Variants in MUC5AC observed in about 807,000 individuals in gnomAD.
MUC5AC encodes mucin-5AC.
Under a neutral mutation model 169.7 loss-of-function variants are expected in MUC5AC, and 158 were observed. That is an observed-to-expected ratio of 0.93 (90% CI 0.82 to 1.06). MUC5AC has a LOEUF of 1.06. Among genes scored for constraint, MUC5AC ranks in the 50% least tolerant of loss-of-function variants. The pLI is 0.00. For synonymous variants in MUC5AC, 1,975 were observed against 1,237.0 expected (o/e 1.60, Z -12.52); for missense variants, 4,359 against 3,089.9 (o/e 1.41, Z -9.74).
chr11:1,190,246 A>G lies in MUC5AC; in HGVS notation c.12101A>G (p.Gln4034Arg), dbSNP rs2133765112. 1 of 734,976 alleles carries G rather than the reference A, an allele frequency of 1.4e-6. No individual in the cohort carries two copies. The highest frequency in any genetic ancestry group is 2.4e-5 in the East Asian group (1 of 40,926). 45.5% of individuals were successfully genotyped at this position (734,976 alleles called of 1,614,324 possible). A position where few individuals can be genotyped will look rare whatever the true frequency, so the allele number is the denominator to read the frequency against. The change falls in exon 31 of 49, where the codon CAG becomes CGG. Residue 4034 changes from glutamine to arginine, a missense_variant. By Grantham distance (43) the Gln-to-Arg change is conservative. Transcript: ENST00000621226. The part of the protein sequence containing the change: ...EEGLVCRNQD[Q>R]QGPFKMCLNY... ...GGCCTGGTGTGCCGGAACCAGGACC[A>G]GCAGGGACCCTTCAAGATGTGCCTC... is the stretch of plus-strand genomic sequence containing the variant.
At position 1,168,904 on chromosome 11, in the gene MUC5AC, G is replaced by A. The variant is rs1302502215; in HGVS notation, c.1748G>A (p.Arg583Gln). The change falls in exon 15 of 49, where the codon CGG becomes CAG. Residue 583 changes from arginine (R) to glutamine (Q), a missense_variant. By Grantham distance (43) the Arg-to-Gln change is conservative. Transcript: ENST00000621226. ...NFNSIQADDF[R>Q]TLSGVVEATA... ...AACAGCATCCAGGCCGATGACTTCC[G>A]GACCCTCAGTGGGGTGGTGGAGGCC... 4 of 1,610,144 alleles carry A rather than the reference G, an allele frequency of 2.5e-6. No homozygotes were observed. Among genetic ancestry groups the A allele is most frequent in the South Asian group, 1.1e-5 (1 of 90,768 alleles).
rs1860992312 is a variant in MUC5AC, at chr11:1,187,859, C to G, written c.9714C>G (p.Ser3238=). 1 of 763,752 alleles carries G rather than the reference C, an allele frequency of 1.3e-6. No individual in the cohort carries two copies. Among genetic ancestry groups the G allele is most frequent in the South Asian group, 1.3e-5 (1 of 74,494 alleles). 47.3% of individuals were successfully genotyped at this position (763,752 alleles called of 1,614,324 possible). A position where few individuals can be genotyped will look rare whatever the true frequency, so the allele number is the denominator to read the frequency against. Residue 3238 remains serine (S), a synonymous_variant, in exon 31 of 49, where the codon TCC becomes TCG. Transcript: ENST00000621226. ...WTKWFDIDFP[S]PGPHGGDKET... is the part of the protein sequence containing the mutation. ...AGTGGTTTGACATAGACTTCCCATC[C>G]CCTGGACCCCACGGCGGGGACAAGG...
rs1405847709 is a variant in MUC5AC at position 1,197,936 on chromosome 11, G to A, written c.16067G>A (p.Gly5356Asp). The change falls in exon 42 of 49, where the codon GGC becomes GAC. Residue 5356 changes from glycine (G) to aspartate (D), a missense_variant. Coordinates refer to ENST00000621226, the MANE Select transcript of MUC5AC (RefSeq NM_001304359.2). ...ACCAGCCGCTGCCCCGCGCCCGTGG[G>A]CTGTCCTGAGGGCGCCCGCGCGATC... ...CNTSRCPAPV[G>D]CPEGARAIPT... 2 of 736,218 alleles carry A rather than the reference G, an allele frequency of 2.7e-6. No individual in the cohort carries two copies. Among genetic ancestry groups the A allele is most frequent in the Non-Finnish European group, 4.9e-6 (2 of 405,368 alleles). The allele number at this position is 736,218 out of a possible 1,614,324, so 45.6% of individuals were successfully genotyped here. A position where few individuals can be genotyped will look rare whatever the true frequency, so the allele number is the denominator to read the frequency against.
At position 1,187,313 on chromosome 11, in the gene MUC5AC, T is replaced by C; in HGVS notation, c.9168T>C (p.Ser3056=). 2.8e-6 allele frequency: 2 copies of C among 708,308 alleles called. No homozygotes were observed. The highest frequency in any genetic ancestry group is 2.0e-5 in the Admixed American group (1 of 50,304). The allele number at this position is 708,308 out of a possible 1,614,324, so 43.9% of individuals were successfully genotyped here. A position where few individuals can be genotyped will look rare whatever the true frequency, so the allele number is the denominator to read the frequency against. ...SSPQTSTTSA[S]TTSITSGPGT... ...CACAGACCAGCACAACCTCGGCTTCTACCACCAGCATAACTTCTGGTCCTG... is the reference window on the plus strand; with the variant it reads ...CACAGACCAGCACAACCTCGGCTTCCACCACCAGCATAACTTCTGGTCCTG... The change falls in exon 31 of 49, where the codon TCT becomes TCC. Residue 3056 remains serine, a synonymous_variant. Coordinates refer to ENST00000621226, the MANE Select transcript of MUC5AC (RefSeq NM_001304359.2).
Position 1,185,810 on chromosome 11 carries a change from C to G in MUC5AC, c.7665C>G (p.Ser2555Arg). 1 of 746,848 alleles carries G rather than the reference C, an allele frequency of 1.3e-6. No individual in the cohort carries two copies. Among genetic ancestry groups the G allele is most frequent in the South Asian group, 1.4e-5 (1 of 72,184 alleles). 46.3% of individuals were successfully genotyped at this position (746,848 alleles called of 1,614,324 possible). ...TTSTTSAPIS[S>R]TTSATTTSTT... ...GCACAACCTCTGCCCCTATAAGCAG[C>G]ACAACCTCTGCCACTACAACCAGCA... is the stretch of plus-strand genomic sequence containing the variant. Residue 2555 changes from serine to arginine, a missense_variant, in exon 31 of 49, where the codon AGC becomes AGG. By Grantham distance (110) the Ser-to-Arg change is moderately radical (BLOSUM62 -1). Coordinates refer to ENST00000621226, the MANE Select transcript of MUC5AC (RefSeq NM_001304359.2).
intron 15 of MUC5AC, 34 bp downstream of exon 15, chr11:1,169,060 C>A: frequency 6.6e-7 from 1 of 1,512,676 alleles, no homozygotes; most frequent in Non-Finnish European, 8.9e-7. Context: ...CTGTGCTGGC[C>A]GCCTGGCGCT....
chr11:1,197,727 G>A, intron 41 of MUC5AC, 88 bp downstream of exon 41: 6 of 635,588 alleles, frequency 9.4e-6, no homozygotes, highest in South Asian at 1.7e-5. Context: ...GCCTTGGGGC[G>A]TGCACCTGGG....
chr11:1,183,551 C>T lies in MUC5AC; in HGVS notation c.5406C>T (p.Ile1802=), dbSNP rs1241255608. The T allele has an allele frequency of 2.5e-5, 16 of 632,646 alleles. No individual in the cohort carries two copies. Among genetic ancestry groups the T allele is most frequent in the East Asian group, 1.9e-4 (7 of 37,816 alleles). 39.2% of individuals were successfully genotyped at this position (632,646 alleles called of 1,614,324 possible). Residue 1802 remains isoleucine (I), a synonymous_variant, in exon 31 of 49, where the codon ATC becomes ATT. Coordinates refer to ENST00000621226, the MANE Select transcript of MUC5AC (RefSeq NM_001304359.2). ...CRAKSHPEVS[I]EHLGQVVQCS... is the part of the protein sequence containing the mutation. The stretch of plus-strand genomic sequence containing the variant: ...CCAAGAGCCACCCAGAGGTGAGCAT[C>T]GAACACCTGGGCCAGGTGGTGCAGT...
chr11:1,168,823 C>A lies in MUC5AC; in HGVS notation c.1706-39C>A, dbSNP rs765065929. On this transcript the variant is annotated intron_variant, in intron 14 of 48. Coordinates refer to ENST00000621226, the MANE Select transcript of MUC5AC (RefSeq NM_001304359.2). ...GGGCTTGGAGCCCACCCACTCTGGC[C>A]AGGGCGCATGGTCCTCAACCTGCCT... 2.3e-5 allele frequency: 36 copies of A among 1,579,168 alleles called. No individual in the cohort carries two copies. The African/African-American group carries it at 4.4e-4, about 20-fold the overall frequency.
At position 1,178,478 on chromosome 11, in the gene MUC5AC, A is replaced by G; in HGVS notation, c.3122A>G (p.Asp1041Gly). ...RVCGLCGNFD[D>G]IAVNDFATRS... Reference sequence around the variant, plus strand: ...TGCGGCCTGTGTGGGAACTTCGACGACATCGCCGTTAATGACTTTGCCACG... The same window carrying G: ...TGCGGCCTGTGTGGGAACTTCGACGGCATCGCCGTTAATGACTTTGCCACG... The change falls in exon 25 of 49, where the codon GAC becomes GGC. Residue 1041 changes from aspartate to glycine, a missense_variant. Coordinates refer to ENST00000621226, the MANE Select transcript of MUC5AC (RefSeq NM_001304359.2). 2 of 944,506 alleles carry G rather than the reference A, an allele frequency of 2.1e-6. No homozygotes were observed. The highest frequency in any genetic ancestry group is 1.4e-6 in the Non-Finnish European group (1 of 692,764). The allele number at this position is 944,506 out of a possible 1,614,324, so 58.5% of individuals were successfully genotyped here. A position where few individuals can be genotyped will look rare whatever the true frequency, so the allele number is the denominator to read the frequency against.
intron 9 of MUC5AC, 115 bp from the exon 10 acceptor site, chr11:1,165,187 G>A: frequency 1.0e-6 from 1 of 985,608 alleles, no homozygotes; most frequent in Non-Finnish European, 1.5e-6. Context: ...CCCGTCCTGG[G>A]CCCCTGGAGC....
At chr11:1,198,206 A>T in intron 42 of MUC5AC, 62 bp from the exon 43 acceptor site, 1 of 717,096 alleles carries the variant, frequency 1.4e-6, no homozygotes, top group Non-Finnish European at 2.5e-6. Context: ...AGGGGCGGGA[A>T]TGCTGAGGGT....
rs1860754427 is a variant in MUC5AC at position 1,179,217 on chromosome 11, G to A, written c.3453G>A (p.Leu1151=). The A allele has an allele frequency of 1.5e-6, 1 of 646,072 alleles. No homozygotes were observed. The highest frequency in any genetic ancestry group is 2.8e-6 in the Non-Finnish European group (1 of 356,850). The allele number at this position is 646,072 out of a possible 1,614,324, so 40.0% of individuals were successfully genotyped here. The change falls in exon 26 of 49, where the codon CTG becomes CTA. Residue 1151 remains leucine (L), a synonymous_variant. Coordinates refer to ENST00000621226, the MANE Select transcript of MUC5AC (RefSeq NM_001304359.2). ...AYAQACHEVG[L]CVSWRTPSIC... The stretch of plus-strand genomic sequence containing the variant: ...CCCAGGCCTGCCATGAAGTAGGCCT[G>A]TGTGTGTCCTGGCGGACCCCGAGCA...
chr11:1,188,696 CAG>C lies in MUC5AC; in HGVS notation c.10555_10556del (p.Asp3519LeufsTer12), dbSNP rs1861013186. The stretch of plus-strand genomic sequence containing the variant: ...AGACAACCCACTCCCAACCAGTCAC[CAG>C]AGACTGTCATCCCCGGTGCACCTGG... The part of the protein sequence containing the change: ...SKTTHSQPVT[R>X]DCHPRCTWTK... On this transcript the variant is annotated frameshift_variant, in exon 31 of 49. Coordinates refer to ENST00000621226, the MANE Select transcript of MUC5AC (RefSeq NM_001304359.2). LOFTEE classifies it high-confidence loss of function. 1 of 764,858 alleles carries C rather than the reference CAG, an allele frequency of 1.3e-6. No homozygotes were observed. The highest frequency in any genetic ancestry group is 2.4e-6 in the Non-Finnish European group (1 of 417,836). 47.4% of individuals were successfully genotyped at this position (764,858 alleles called of 1,614,324 possible). A position where few individuals can be genotyped will look rare whatever the true frequency, so the allele number is the denominator to read the frequency against.
chr11:1,164,156 C>T lies in MUC5AC; in HGVS notation c.840C>T (p.Ala280=), dbSNP rs2133718109. The T allele has an allele frequency of 6.2e-7, 1 of 1,612,468 alleles. No homozygotes were observed. The highest frequency in any genetic ancestry group is 8.5e-7 in the Non-Finnish European group (1 of 1,179,864). ...GCCAGCTGTTCTCTGGCTGCGTGGC[C>T]CTGGTGGACGTCGGCAGCTACCTGG... ...LHGQLFSGCV[A]LVDVGSYLEA... is the part of the protein sequence containing the mutation. The change falls in exon 8 of 49, where the codon GCC becomes GCT. Residue 280 remains alanine (A), a synonymous_variant. Transcript: ENST00000621226.
Position 1,162,020 on chromosome 11 carries a change from G to A in MUC5AC, c.325G>A (p.Glu109Lys), listed in dbSNP as rs761841056. 2.1e-5 allele frequency: 34 copies of A among 1,612,374 alleles called. No homozygotes were observed. In the Admixed American group the frequency reaches 3.5e-4, roughly 17 times the overall value. Reference protein sequence around the residue: ...FPGLCNYVFSEHCGAAYEDFN... With the variant: ...FPGLCNYVFSKHCGAAYEDFN... ...CGGCCTCTGCAACTACGTGTTCTCC[G>A]AGCACTGCGGTGCCGCCTACGAGGA... The change falls in exon 4 of 49, where the codon GAG becomes AAG. Residue 109 changes from glutamate (E) to lysine (K), a missense_variant. By Grantham distance (56) the Glu-to-Lys change is moderately conservative. Transcript: ENST00000621226.
Position 1,179,263 on chromosome 11 carries a change from G to A in MUC5AC, c.3484+15G>A. ...GAGCATCTGCCGTGAGTGCGAGTGG[G>A]CACCTGGGGAAGAACAGGAAGCGCC... On this transcript the variant is annotated intron_variant, in intron 26 of 48. Coordinates refer to ENST00000621226, the MANE Select transcript of MUC5AC (RefSeq NM_001304359.2). 2 of 541,438 alleles carry A rather than the reference G, an allele frequency of 3.7e-6. No individual in the cohort carries two copies. The highest frequency in any genetic ancestry group is 3.0e-5 in the East Asian group (1 of 33,316). 33.5% of individuals were successfully genotyped at this position (541,438 alleles called of 1,614,324 possible). A position where few individuals can be genotyped will look rare whatever the true frequency, so the allele number is the denominator to read the frequency against.
rs1456349705 is a variant in MUC5AC at position 1,187,314 on chromosome 11, A to G, written c.9169A>G (p.Thr3057Ala). 2 of 709,024 alleles carry G rather than the reference A, an allele frequency of 2.8e-6. No individual in the cohort carries two copies. The highest frequency in any genetic ancestry group is 1.5e-5 in the South Asian group (1 of 68,518). The allele number at this position is 709,024 out of a possible 1,614,324, so 43.9% of individuals were successfully genotyped here. A position where few individuals can be genotyped will look rare whatever the true frequency, so the allele number is the denominator to read the frequency against. ...ACAGACCAGCACAACCTCGGCTTCT[A>G]CCACCAGCATAACTTCTGGTCCTGG... ...SPQTSTTSAS[T>A]TSITSGPGTT... Residue 3057 changes from threonine to alanine, a missense_variant, in exon 31 of 49, where the codon ACC (threonine) becomes GCC (alanine). By Grantham distance (58) the Thr-to-Ala change is moderately conservative. Coordinates refer to ENST00000621226, the MANE Select transcript of MUC5AC (RefSeq NM_001304359.2).
At position 1,164,428 on chromosome 11, in the gene MUC5AC, T is replaced by A; in HGVS notation, c.1025T>A (p.Met342Lys). 6.2e-7 allele frequency: 1 copy of A among 1,612,322 alleles called. No individual in the cohort carries two copies. The highest frequency in any genetic ancestry group is 1.1e-5 in the South Asian group (1 of 91,026). Residue 342 changes from methionine (M) to lysine (K), a missense_variant, in exon 9 of 49, where the codon ATG (methionine) becomes AAG (lysine). Transcript: ENST00000621226. ...GCAGCCCAGAAGTGCCCCAACAACATGCAGTACCACGAGTGCCGCTCCCCC... is the reference window on the plus strand; with the variant it reads ...GCAGCCCAGAAGTGCCCCAACAACAAGCAGTACCACGAGTGCCGCTCCCCC... ...DFCPQKCPNN[M>K]QYHECRSPCA...
Sources: allele counts gnomAD v4.1 joint callset, GRCh38; gene constraint gnomAD v4.1.1; transcripts MANE v1.5; gene names NCBI Gene and HGNC (gene_info 2026-07-23, HGNC 2026-07-21).